ZNF728: variants seen among roughly 807,000 people sequenced by gnomAD.
ZNF728 encodes zinc finger protein 728.
A neutral mutation model predicts 12.5 loss-of-function variants in ZNF728; 12 were observed. The observed-to-expected ratio is 0.96, with a 90% CI of 0.61 to 1.55. The LOEUF is 1.55. Ranked by LOEUF, ZNF728 falls within the 40% of genes most tolerant of loss-of-function variation. ZNF728 has a pLI of 0.00. For synonymous variants in ZNF728, 205 were observed against 240.7 expected (o/e 0.85, Z 1.37); for missense variants, 692 against 719.2 (o/e 0.96, Z 0.43).
intron 1 of ZNF728, among the ~76,000 whole-genome samples, chr19:22,997,327 A>G (rs965622072): frequency 2.6e-5 from 4 of 152,214 alleles, no homozygotes; most frequent in Non-Finnish European, 4.4e-5. Context: ...AGCTTAAGAA[A>G]AATATAATTC....
chr19:22,996,374 C>T (rs537054611), intron 1 of ZNF728, among the ~76,000 whole-genome samples: 1 of 152,316 alleles, frequency 6.6e-6, no homozygotes, highest in South Asian at 2.1e-4. Flanking sequence ...CCAAGTACAA[C>T]AGACTCCACT....
chr19:22,993,704 T>G (rs1449652792), intron 1 of ZNF728, among the ~76,000 whole-genome samples: 1 of 152,320 alleles, frequency 6.6e-6, no homozygotes, highest in East Asian at 1.9e-4. Flanking sequence ...GGATATACAT[T>G]GTTAAGGTTA....
intron 1 of ZNF728, among the ~76,000 whole-genome samples, chr19:22,990,903 G>A (rs1393228532): frequency 1.3e-5 from 2 of 152,132 alleles, no homozygotes; most frequent in East Asian, 3.9e-4. Flanking sequence ...AAATCACTTG[G>A]TAATTTTCTC....
At chr19:23,000,433 GAGAA>G (rs1466889714) in intron 1 of ZNF728, among the ~76,000 whole-genome samples, 3 of 150,714 alleles carry the variant, frequency 2.0e-5, no homozygotes, top group Non-Finnish European at 3.0e-5. Context: ...AATTCACTCT[GAGAA>G]AGAAAAAGGT....
At chr19:22,998,831 C>G (rs1367173979) in intron 1 of ZNF728, among the ~76,000 whole-genome samples, 1 of 152,208 alleles carries the variant, frequency 6.6e-6, no homozygotes, top group Non-Finnish European at 1.5e-5. Flanking sequence ...AAACACCCTT[C>G]CCATTATGAC....
chr19:22,975,495 A>G lies in ZNF728; in HGVS notation c.1842T>C (p.His614=), dbSNP rs778809507. Residue 614 remains histidine (H), a synonymous_variant, in exon 4 of 4, where the codon CAT becomes CAC. Coordinates refer to ENST00000594710, the MANE Select transcript of ZNF728 (RefSeq NM_001267716.2). ...ACATTTGTAGGGTTTTTCCTCCAGT[A>G]TGAATTCTCTTATGAGTAGTAAGGT... The part of the protein sequence containing the change: ...SSHLTTHKRI[H]TGGKTLQM 1.6e-5 allele frequency: 25 copies of G among 1,550,308 alleles called. No homozygotes were observed. The highest frequency in any genetic ancestry group is 2.0e-5 in the Non-Finnish European group (23 of 1,152,674).
chr19:22,997,536 T>C (rs1357957587), intron 1 of ZNF728, among the ~76,000 whole-genome samples: 1 of 152,108 alleles, frequency 6.6e-6, no homozygotes, highest in East Asian at 1.9e-4. Flanking sequence ...ATTCATAGCG[T>C]TAAATCCTCA....
At chr19:22,996,500 T>A (rs960011247) in intron 1 of ZNF728, among the ~76,000 whole-genome samples, 3 of 152,220 alleles carry the variant, frequency 2.0e-5, no homozygotes, top group African/African-American at 7.2e-5. Context: ...TCTTTTAGTC[T>A]ATATTATTCT....
At chr19:23,002,975 G>A (rs1969128996) in intron 1 of ZNF728, 53 bp downstream of exon 1, 6 of 1,586,292 alleles carry the variant, frequency 3.8e-6, no homozygotes, top group South Asian at 1.1e-5. Flanking sequence ...ACTTCCCACC[G>A]GTTCCAACCA....
In ZNF728 at chr19:22,977,004, T is replaced by C; in HGVS notation, c.333A>G (p.Leu111=). 4 of 1,613,502 alleles carry C rather than the reference T, an allele frequency of 2.5e-6. No individual in the cohort carries two copies. The highest frequency in any genetic ancestry group is 3.4e-6 in the Non-Finnish European group (4 of 1,179,760). Reference sequence around the variant, plus strand: ...CATTGGTACAACCAATTTTTAACTGTAAATTCTCATGTCCACATTTTTCAT... The same window carrying C: ...CATTGGTACAACCAATTTTTAACTGCAAATTCTCATGTCCACATTTTTCAT... ...RRYEKCGHEN[L]QLKIGCTNVD... The change falls in exon 4 of 4, where the codon TTA becomes TTG. Residue 111 remains leucine (L), a synonymous_variant. Transcript: ENST00000594710.
In ZNF728 at chr19:22,975,509, G is replaced by A. The variant is rs1160211246; in HGVS notation, c.1828C>T (p.His610Tyr). 1 of 1,555,790 alleles carries A rather than the reference G, an allele frequency of 6.4e-7. No individual in the cohort carries two copies. Among genetic ancestry groups the A allele is most frequent in the Non-Finnish European group, 8.7e-7 (1 of 1,154,494 alleles). Residue 610 changes from histidine to tyrosine, a missense_variant, in exon 4 of 4, where the codon CAT becomes TAT. By Grantham distance (83) the His-to-Tyr change is moderately conservative. Transcript: ENST00000594710. ...DFNQSSHLTT[H>Y]KRIHTGGKTL... ...TTTCCTCCAGTATGAATTCTCTTAT[G>A]AGTAGTAAGGTGTGAGGATTGGTTG...
chr19:22,992,288 G>A (rs186275375), intron 1 of ZNF728, among the ~76,000 whole-genome samples: 1 of 152,012 alleles, frequency 6.6e-6, no homozygotes, highest in Non-Finnish European at 1.5e-5. Flanking sequence ...TGTTGCCCAG[G>A]CTGGAGTGCA....
chr19:22,988,548 T>C, intron 1 of ZNF728, 97 bp from the exon 2 acceptor site: 4 of 1,537,454 alleles, frequency 2.6e-6, no homozygotes, highest in Non-Finnish European at 3.5e-6. Context: ...AAAGAGCTCA[T>C]TCTGACTTAC....
rs553980900 is a variant in ZNF728, at chr19:22,984,832, A to AAAT, written c.226+2473_226+2475dup. ...GACAATAAAGTTCCCAACAATCTTA[A>AAAT]AATAATAATAATAATAATAAAGCAA... On this transcript the variant is annotated intron_variant, in intron 3 of 3. Coordinates refer to ENST00000594710, the MANE Select transcript of ZNF728 (RefSeq NM_001267716.2). Among the ~76,000 whole-genome samples, 1,034 of 151,928 alleles carry AAAT rather than the reference A, an allele frequency of 6.8e-3. 15 individuals are homozygous for AAAT. Among genetic ancestry groups the AAAT allele is most frequent in the African/African-American group, 0.023 (939 of 41,490 alleles).
chr19:23,002,296 C>A (rs531929370), intron 1 of ZNF728, among the ~76,000 whole-genome samples: 7 of 152,324 alleles, frequency 4.6e-5, no homozygotes, highest in Admixed American at 3.9e-4. Context: ...GCCAGGGCGA[C>A]AGAGTGAGAC....
At chr19:22,980,202 C>G (rs201796279) in intron 3 of ZNF728, among the ~76,000 whole-genome samples, 1 of 114,458 alleles carries the variant, frequency 8.7e-6, no homozygotes, top group Non-Finnish European at 1.9e-5. Flanking sequence ...AAAAAAGAAA[C>G]AAAAAAAAAA....
intron 1 of ZNF728, among the ~76,000 whole-genome samples, chr19:22,990,700 C>T (rs1599531513): frequency 6.6e-6 from 1 of 152,224 alleles, no homozygotes; most frequent in East Asian, 1.9e-4. Context: ...TGATTCTGGC[C>T]TCACCTTAGA....
chr19:23,000,874 A>AAC (rs1555703734), intron 1 of ZNF728, among the ~76,000 whole-genome samples: 5 of 138,130 alleles, frequency 3.6e-5, no homozygotes, highest in African/African-American at 6.1e-5. Flanking sequence ...TCAAAAAAAA[A>AAC]AAAAAAAAAA....
intron 2 of ZNF728, among the ~76,000 whole-genome samples, chr19:22,987,642 C>A (rs556752230): frequency 6.6e-6 from 1 of 152,240 alleles, no homozygotes; most frequent in South Asian, 2.1e-4. Context: ...AAGGTGTGAG[C>A]ACCAGTATTT....
Sources: gnomAD v4.1 joint callset for allele counts (sites outside exome capture counted in the v4.1 genomes callset) on GRCh38, gnomAD v4.1.1 for gene constraint, MANE v1.5 for transcripts, NCBI Gene and HGNC (gene_info 2026-07-23, HGNC 2026-07-21) for gene names.